Variants in TASOR2 observed in about 807,000 individuals in gnomAD.
TASOR2 encodes transcription activation suppressor family member 2, also known as protein TASOR 2.
TASOR2 carries 84 observed loss-of-function variants against 199.5 expected under a neutral mutation model. That is an observed-to-expected ratio of 0.42 (90% CI 0.35 to 0.50). The LOEUF is 0.50. Ranked by LOEUF, TASOR2 falls within the 20% of genes least tolerant of loss-of-function variation. The pLI, the probability that TASOR2 is intolerant of heterozygous loss-of-function variation, is 0.02. For synonymous variants in TASOR2, 1,103 were observed against 1,046.6 expected, an observed-to-expected ratio of 1.05 and a Z score of -1.04; for missense variants, 2,796 against 2,835.9, an observed-to-expected ratio of 0.99 and a Z score of 0.32.
chr10:5,729,069 C>T (rs1260224274), intron 10 of TASOR2, among the ~76,000 whole-genome samples: 3 of 152,188 alleles, frequency 2.0e-5, no homozygotes, highest in Non-Finnish European at 4.4e-5. Flanking sequence ...AAAAGAGTGG[C>T]CGGGCATAGT....
chr10:5,755,046 CAAAAAAAAAAA>C (rs34884255), intron 15 of TASOR2, among the ~76,000 whole-genome samples: 3 of 78,126 alleles, frequency 3.8e-5, no homozygotes, highest in Non-Finnish European at 7.1e-5. Flanking sequence ...ACTCTTGTCT[CAAAAAAAAAAA>C]AAAAAAAAAA....
intron 13 of TASOR2, among the ~76,000 whole-genome samples, chr10:5,741,186 A>C (rs1836369344): frequency 6.6e-6 from 1 of 152,156 alleles, no homozygotes; most frequent in Non-Finnish European, 1.5e-5. Flanking sequence ...ATTTCTAACA[A>C]ATTTTCAGGT....
At chr10:5,721,598 A>G (rs904072774) in intron 6 of TASOR2, among the ~76,000 whole-genome samples, 1 of 152,194 alleles carries the variant, frequency 6.6e-6, no homozygotes, top group African/African-American at 2.4e-5. Context: ...CCACAACATA[A>G]AAATTATGTG....
exon 15 of TASOR2, chr10:5,747,530 T>C (rs780691484): frequency 1.2e-6 from 2 of 1,614,170 alleles, no homozygotes; most frequent in Non-Finnish European, 1.7e-6. Flanking sequence ...GTTACTTTAA[T>C]ACTTTCTAAA....
In TASOR2 at chr10:5,749,143, T is replaced by C. The variant is rs535890448; in HGVS notation, c.5722T>C (p.Cys1908Arg). ...TGCTGCGGTAAAGAAAGAAGAGAAG[T>C]GTGTGCCGCCTTACGTCCAAATCCG... is the stretch of plus-strand genomic sequence containing the variant. Residue 1908 changes from cysteine (C) to arginine (R), a missense_variant, in exon 15 of 21, where the codon TGT becomes CGT. Physicochemically the swap from Cys to Arg is radical, Grantham distance 180 (BLOSUM62 -3). Transcript: ENST00000328090. 13 of 1,613,130 alleles carry C rather than the reference T, an allele frequency of 8.1e-6. 1 individual carries two copies. Among genetic ancestry groups the C allele is most frequent in the South Asian group, 6.6e-5 (6 of 91,036 alleles).
chr10:5,757,340 G>A (rs1839111267), intron 16 of TASOR2, among the ~76,000 whole-genome samples, 180 bp from the exon 18 acceptor site: 1 of 152,184 alleles, frequency 6.6e-6, no homozygotes. Flanking sequence ...TGCAGCCCCT[G>A]GTGATGATGA....
At position 5,701,166 on chromosome 10, in the gene TASOR2, G is replaced by C. The variant is rs568485976; in HGVS notation, c.-287-11657G>C. On this transcript the variant is annotated intron_variant, in intron 1 of 20. Transcript: ENST00000328090. The surrounding 1 kb of genome is among the most constrained non-coding windows in gnomAD (Gnocchi z 4.9). ...TTAAATCCATTTTGATTTGAATTTT[G>C]TATATGGTCAGATTGTTTTGTTCTT... Among the ~76,000 whole-genome samples, 1 of 152,006 alleles carries C rather than the reference G, an allele frequency of 6.6e-6. No homozygotes were observed. The highest frequency in any genetic ancestry group is 1.5e-5 in the Non-Finnish European group (1 of 67,954).
At chr10:5,717,236 A>T (rs1832776902) in intron 2 of TASOR2, among the ~76,000 whole-genome samples, 1 of 152,156 alleles carries the variant, frequency 6.6e-6, no homozygotes, top group Admixed American at 6.6e-5. Context: ...TGGCTTGACT[A>T]GAACTGGATA....
At chr10:5,749,511 T>TCCTGCA (rs1415514977) in exon 15 of TASOR2, 1 of 1,613,994 alleles carries the variant, frequency 6.2e-7, no homozygotes, top group East Asian at 2.2e-5. Flanking sequence ...CATTTCTGCA[T>TCCTGCA]CCTGCACCTA....
At chr10:5,717,899 TA>T (rs1564287184) in intron 3 of TASOR2, 149 bp downstream of exon 4, 1 of 385,180 alleles carries the variant, frequency 2.6e-6, no homozygotes, top group Non-Finnish European at 4.5e-6. Flanking sequence ...TCCTTTTCTT[TA>T]AAAAGAAAAC....
rs1837549297 is a variant in TASOR2 at position 5,699,505 on chromosome 10, A to G, written c.-287-13318A>G. The G allele has an allele frequency of 6.6e-6, 1 of 152,208 alleles. No homozygotes were observed. The highest frequency in any genetic ancestry group is 2.4e-5 in the African/African-American group (1 of 41,458). 9.4% of individuals were successfully genotyped at this position (152,208 alleles called of 1,614,324 possible). On this transcript the variant is annotated intron_variant, in intron 1 of 20. Transcript: ENST00000328090. This position sits in a 1 kb window ranked among gnomAD's most constrained non-coding sequence, Gnocchi z 4.1. ...GGGTGAATTGTATGCCGTATGAATT[A>G]TATCTCAACATTGTATTAGAAAATA...
At chr10:5,697,211 A>G (rs1161764023) in intron 1 of TASOR2, among the ~76,000 whole-genome samples, 2 of 152,212 alleles carry the variant, frequency 1.3e-5, no homozygotes, top group African/African-American at 2.4e-5. Flanking sequence ...TTTTCTTCCT[A>G]CTTCTGAAAA....
At chr10:5,741,448 G>T (rs1231011218) in intron 13 of TASOR2, among the ~76,000 whole-genome samples, 2 of 152,156 alleles carry the variant, frequency 1.3e-5, no homozygotes, top group African/African-American at 4.8e-5. Flanking sequence ...ACTCATAAGG[G>T]TCATTTCCTT....
chr10:5,722,022 G>A lies in TASOR2; in HGVS notation c.146+1052G>A, dbSNP rs1301153582. The stretch of plus-strand genomic sequence containing the variant: ...TTACTGAATGCATTGTGGCATCTTG[G>A]ATTGGAAATTGTTTTCTTTTTTTGT... On this transcript the variant is annotated intron_variant, in intron 6 of 20. Coordinates refer to ENST00000328090, the Ensembl canonical transcript of TASOR2. This position sits in a 1 kb window ranked among gnomAD's most constrained non-coding sequence, Gnocchi z 4.0. Among the ~76,000 whole-genome samples the A allele has an allele frequency of 6.6e-6, 1 of 152,214 alleles. No homozygotes were observed.
intron 16 of TASOR2, 21 bp from the exon 18 acceptor site, chr10:5,757,499 G>T (rs1201716694): frequency 1.9e-6 from 3 of 1,582,082 alleles, no homozygotes. Flanking sequence ...TCTTCACCGG[G>T]GTCCTTTTTG....
intron 1 of TASOR2, chr10:5,712,324 C>T (rs573640879): frequency 8.0e-5 from 86 of 1,079,484 alleles, no homozygotes; most frequent in Admixed American, 5.1e-4. Context: ...GAGTGATATT[C>T]AGTGTGTCTC....
rs997963155 is a variant in TASOR2, at chr10:5,752,397, G to A, written c.6606+2370G>A. On this transcript the variant is annotated intron_variant, in intron 15 of 20. Coordinates refer to ENST00000328090, the Ensembl canonical transcript of TASOR2. The surrounding 1 kb of genome is among the most constrained non-coding windows in gnomAD (Gnocchi z 4.4). Reference sequence around the variant, plus strand: ...AGCAGAGCATAGGGGCCTGCAGGCCGCGTGCAAAACTGGACGTGCCGTGTG... The same window carrying A: ...AGCAGAGCATAGGGGCCTGCAGGCCACGTGCAAAACTGGACGTGCCGTGTG... Among the ~76,000 whole-genome samples the A allele has an allele frequency of 3.3e-5, 5 of 152,124 alleles. No individual in the cohort carries two copies. Among genetic ancestry groups the A allele is most frequent in the Admixed American group, 6.5e-5 (1 of 15,278 alleles).
chr10:5,712,551 G>C, intron 1 of TASOR2: 1 of 1,231,292 alleles, frequency 8.1e-7, no homozygotes, highest in Non-Finnish European at 1.0e-6. Context: ...TGAGGTGCTT[G>C]GTACACACTA....
At chr10:5,746,572 C>A (rs752509208) in exon 15 of TASOR2, 1 of 1,614,144 alleles carries the variant, frequency 6.2e-7, no homozygotes, top group African/African-American at 1.3e-5. Flanking sequence ...TAACCCGGAA[C>A]CAATTACTCT....
Sources: gnomAD v4.1 joint callset for allele counts (sites outside exome capture counted in the v4.1 genomes callset) on GRCh38, gnomAD v4.1.1 for gene constraint, Gnocchi (gnomAD v3.1) non-coding constraint, MANE v1.5 for transcripts, NCBI Gene and HGNC (gene_info 2026-07-23, HGNC 2026-07-21) for gene names.